ADCK1: variants seen among roughly 807,000 people sequenced by gnomAD.
The protein encoded by ADCK1 is aarF domain-containing protein kinase 1.
A neutral mutation model predicts 52.3 loss-of-function variants in ADCK1; 41 were observed. The observed-to-expected ratio is 0.78, with a 90% CI of 0.61 to 1.02. The LOEUF (loss-of-function observed/expected upper bound fraction) is 1.02. Ranked by LOEUF, ADCK1 falls within the 50% of genes least tolerant of loss-of-function variation. The pLI, the probability that ADCK1 is intolerant of heterozygous loss-of-function variation, is 0.00. For synonymous variants in ADCK1, 250 were observed against 274.6 expected, an observed-to-expected ratio of 0.91 and a Z score of 0.89; for missense variants, 658 against 679.5, an observed-to-expected ratio of 0.97 and a Z score of 0.35.
chr14:77,902,465 C>G (rs1160331014), intron 6 of ADCK1: 1 of 152,222 alleles, frequency 6.6e-6, no homozygotes, highest in African/African-American at 2.4e-5. Context: ...TCAGTGAAAA[C>G]TTGGCTCTTT....
At chr14:77,902,996 C>T (rs1370839050) in intron 6 of ADCK1, among the ~76,000 whole-genome samples, 1 of 152,182 alleles carries the variant, frequency 6.6e-6, no homozygotes, top group Non-Finnish European at 1.5e-5. Flanking sequence ...CCCCTCAGAG[C>T]CAGAACTATG....
At chr14:77,867,235 G>A (rs758688287) in intron 4 of ADCK1, among the ~76,000 whole-genome samples, 5 of 152,154 alleles carry the variant, frequency 3.3e-5, no homozygotes, top group African/African-American at 7.2e-5. Flanking sequence ...CTGGTCCTGA[G>A]CACCACCTTT....
chr14:77,899,863 A>G (rs2083492616), intron 6 of ADCK1, among the ~76,000 whole-genome samples: 1 of 152,184 alleles, frequency 6.6e-6, no homozygotes, highest in Non-Finnish European at 1.5e-5. Context: ...TGAGGTCAGG[A>G]GTTCGAGACC....
chr14:77,880,698 G>A (rs571858835), intron 4 of ADCK1, among the ~76,000 whole-genome samples: 2 of 152,206 alleles, frequency 1.3e-5, no homozygotes, highest in South Asian at 2.1e-4. Context: ...TTACCTTGCC[G>A]AACATTTCTT....
At chr14:77,882,256 TA>T (rs985790059) in intron 4 of ADCK1, among the ~76,000 whole-genome samples, 4 of 151,962 alleles carry the variant, frequency 2.6e-5, no homozygotes, top group African/African-American at 9.7e-5. Flanking sequence ...CAGCCAGGTG[TA>T]GGGGGGGCCA....
intron 1 of ADCK1, among the ~76,000 whole-genome samples, chr14:77,815,077 G>A (rs1218496347): frequency 6.7e-6 from 1 of 149,092 alleles, no homozygotes; most frequent in Non-Finnish European, 1.5e-5. Context: ...TTTTTTAGTA[G>A]AGACGGGGTT....
At chr14:77,914,560 G>T (rs960279205) in intron 7 of ADCK1, 1 of 985,312 alleles carries the variant, frequency 1.0e-6, no homozygotes, top group Admixed American at 6.1e-5. Context: ...GGGTGGGGCT[G>T]GGTGAGGCTT....
chr14:77,914,986 C>T (rs1385878988), intron 7 of ADCK1, among the ~76,000 whole-genome samples: 2 of 152,150 alleles, frequency 1.3e-5, no homozygotes, highest in Admixed American at 6.5e-5. Flanking sequence ...TTCCCCTTGT[C>T]ACCACCTCCA....
intron 3 of ADCK1, among the ~76,000 whole-genome samples, chr14:77,852,672 T>A (rs1463718013): frequency 3.7e-4 from 5 of 13,644 alleles, no homozygotes; most frequent in Admixed American, 1.1e-3. Context: ...TATATATATA[T>A]ATATATATAT....
intron 7 of ADCK1, among the ~76,000 whole-genome samples, chr14:77,909,837 C>G (rs559392193): frequency 1.3e-5 from 2 of 152,106 alleles, no homozygotes; most frequent in Non-Finnish European, 2.9e-5. Flanking sequence ...TGTGCCAGGC[C>G]CTTTTCTCCA....
intron 9 of ADCK1, among the ~76,000 whole-genome samples, chr14:77,930,417 A>G (rs568910485): frequency 1.3e-5 from 2 of 152,262 alleles, no homozygotes; most frequent in Admixed American, 6.5e-5. Flanking sequence ...CTCAGACCTT[A>G]TCTCTGGTGA....
intron 1 of ADCK1, among the ~76,000 whole-genome samples, chr14:77,802,000 A>T (rs1008147816): frequency 6.6e-6 from 1 of 151,928 alleles, no homozygotes; most frequent in African/African-American, 2.4e-5. Flanking sequence ...CTCACTAAAT[A>T]TGCCTCCTGG....
At chr14:77,878,932 C>CA (rs1555354824) in intron 4 of ADCK1, among the ~76,000 whole-genome samples, 7 of 152,058 alleles carry the variant, frequency 4.6e-5, no homozygotes, top group South Asian at 4.2e-4. Flanking sequence ...CTTCCCCCCC[C>CA]ACGAATGAAT....
At chr14:77,871,466 T>A (rs574718979) in intron 4 of ADCK1, among the ~76,000 whole-genome samples, 1 of 152,228 alleles carries the variant, frequency 6.6e-6, no homozygotes, top group East Asian at 1.9e-4. Context: ...CAAGCGATTG[T>A]CCCGCCTCAG....
chr14:77,833,859 G>C (rs531317616), intron 3 of ADCK1, among the ~76,000 whole-genome samples: 6 of 152,264 alleles, frequency 3.9e-5, no homozygotes, highest in Admixed American at 2.6e-4. Context: ...GTCTAGACTT[G>C]TTAGTTACCT....
At chr14:77,905,279 T>G in intron 6 of ADCK1, among the ~76,000 whole-genome samples, 1 of 148,320 alleles carries the variant, frequency 6.7e-6, no homozygotes, top group Non-Finnish European at 1.5e-5. Flanking sequence ...GATTTCTGTT[T>G]CCACCTGTGA....
At position 77,852,656 on chromosome 14, in the gene ADCK1, AATAAATATAT is replaced by A. The variant is rs1261912439; in HGVS notation, c.220-6416_220-6407del. ...ATTTCAGCCATTATTTCTTTAAATA[AATAAATATAT>A]ATATATATATATATATATATATATA... On this transcript the variant is annotated intron_variant, in intron 3 of 10. Coordinates refer to ENST00000238561, the MANE Select transcript of ADCK1 (RefSeq NM_020421.4). Among the ~76,000 whole-genome samples, 23 of 26,184 alleles carry A rather than the reference AATAAATATAT, an allele frequency of 8.8e-4. No individual in the cohort carries two copies. In the East Asian group the frequency reaches 0.011, roughly 12 times the overall value. The allele number at this position is 26,184 out of a possible 152,430, so 17.2% of individuals were successfully genotyped here.
At chr14:77,802,112 C>T (rs1473720236) in intron 1 of ADCK1, among the ~76,000 whole-genome samples, 1 of 150,608 alleles carries the variant, frequency 6.6e-6, no homozygotes, top group African/African-American at 2.4e-5. Flanking sequence ...AGCAGTCATA[C>T]ATGGATTCAA....
Position 77,803,833 on chromosome 14 carries a change from G to A in ADCK1, c.-12+3663G>A, listed in dbSNP as rs10149399. The stretch of plus-strand genomic sequence containing the variant: ...ACAGCAGTAAGGACTTTAGTGAACA[G>A]GAGTCCAGGTGTTCCTATCAAAGAC... On this transcript the variant is annotated intron_variant, in intron 1 of 10. Transcript: ENST00000238561. Among the ~76,000 whole-genome samples, 1,265 of 152,288 alleles carry A rather than the reference G, an allele frequency of 8.3e-3. 16 individuals are homozygous for A. Among genetic ancestry groups the A allele is most frequent in the African/African-American group, 0.029 (1,202 of 41,562 alleles).
Sources: gnomAD v4.1 joint callset for allele counts (sites outside exome capture counted in the v4.1 genomes callset) on GRCh38, gnomAD v4.1.1 for gene constraint, MANE v1.5 for transcripts, NCBI Gene and HGNC (gene_info 2026-07-23, HGNC 2026-07-21) for gene names.